Variants in GHR observed in about 807,000 individuals in gnomAD.
The protein encoded by GHR is GH receptor.
A neutral mutation model predicts 67.1 loss-of-function variants in GHR; 35 were observed. The ratio of observed to expected loss-of-function variants is 0.52; its 90% CI spans 0.40 to 0.69. GHR has a LOEUF of 0.69. Ranked by LOEUF, GHR falls within the 30% of genes least tolerant of loss-of-function variation. The pLI is 0.00. For missense variants in GHR, 792 were observed against 764.6 expected (o/e 1.04, Z -0.42); for synonymous variants, 272 against 269.1 (o/e 1.01, Z -0.10).
intron 1 of GHR, among the ~76,000 whole-genome samples, chr5:42,444,133 C>T (rs1010951109): frequency 2.6e-4 from 40 of 152,246 alleles, no homozygotes; most frequent in African/African-American, 8.4e-4. Flanking sequence ...CAAAAATACT[C>T]AGTCCAATTC....
intron 3 of GHR, among the ~76,000 whole-genome samples, chr5:42,647,462 T>A (rs34343411): frequency 6.6e-6 from 1 of 151,446 alleles, no homozygotes; most frequent in Non-Finnish European, 1.5e-5. Context: ...TAGTCCCAGC[T>A]ACTCTGGAGG....
intron 2 of GHR, among the ~76,000 whole-genome samples, chr5:42,579,136 TAGATGATAG>T (rs1750982420): frequency 1.9e-4 from 13 of 67,762 alleles, no homozygotes; most frequent in South Asian, 3.7e-4. Context: ...GATAGATAGA[TAGATGATAG>T]ATAGATATAG....
At chr5:42,708,507 A>C (rs1182035847) in intron 6 of GHR, among the ~76,000 whole-genome samples, 1 of 152,204 alleles carries the variant, frequency 6.6e-6, no homozygotes, top group East Asian at 1.9e-4. Context: ...TAAGGATTTT[A>C]AAATTTTTTC....
intron 1 of GHR, among the ~76,000 whole-genome samples, chr5:42,534,512 ATATG>A (rs1325021663): frequency 1.3e-4 from 19 of 142,878 alleles, no homozygotes; most frequent in African/African-American, 5.2e-4. Flanking sequence ...GTACATATGT[ATATG>A]TGTATATATG....
At chr5:42,434,609 T>C (rs979600406) in intron 1 of GHR, among the ~76,000 whole-genome samples, 1 of 152,184 alleles carries the variant, frequency 6.6e-6, no homozygotes, top group Non-Finnish European at 1.5e-5. Context: ...CAAGAGCTCT[T>C]GTTGCAGCAC....
chr5:42,438,019 CT>C (rs1743406975), intron 1 of GHR, among the ~76,000 whole-genome samples: 1 of 152,104 alleles, frequency 6.6e-6, no homozygotes, highest in African/African-American at 2.4e-5. Flanking sequence ...TAAATTCAGG[CT>C]CACTTTAGTA....
chr5:42,430,869 T>TGCTATAAGAA (rs1743064226), intron 1 of GHR, among the ~76,000 whole-genome samples: 1 of 152,170 alleles, frequency 6.6e-6, no homozygotes, highest in Non-Finnish European at 1.5e-5. Context: ...ACCAAAGGTT[T>TGCTATAAGAA]ACTTTGCTAT....
intron 3 of GHR, among the ~76,000 whole-genome samples, chr5:42,638,502 A>G (rs1754312113): frequency 6.6e-6 from 1 of 152,186 alleles, no homozygotes; most frequent in Admixed American, 6.5e-5. Flanking sequence ...ACCAGCCTTT[A>G]TGATATAGTC....
At chr5:42,550,727 G>T (rs1748983140) in intron 1 of GHR, among the ~76,000 whole-genome samples, 2 of 152,136 alleles carry the variant, frequency 1.3e-5, no homozygotes, top group Admixed American at 1.3e-4. Context: ...AGCCACCGAT[G>T]GGGGAAGCTG....
intron 3 of GHR, among the ~76,000 whole-genome samples, chr5:42,651,651 AAC>A (rs1340890678): frequency 2.6e-4 from 40 of 152,314 alleles, no homozygotes; most frequent in Admixed American, 2.3e-3. Context: ...CTGTTTCTTT[AAC>A]AGTTTTCCAA....
chr5:42,552,051 C>G (rs1460521060), intron 1 of GHR, among the ~76,000 whole-genome samples: 1 of 152,204 alleles, frequency 6.6e-6, no homozygotes, highest in Non-Finnish European at 1.5e-5. Context: ...GACAGTCTCT[C>G]TGAATCAATA....
Position 42,647,925 on chromosome 5 carries a change from C to T in GHR, c.136+18822C>T, listed in dbSNP as rs371089099. On this transcript the variant is annotated intron_variant, in intron 3 of 9. Coordinates refer to ENST00000230882, the MANE Select transcript of GHR (RefSeq NM_000163.5). Reference sequence around the variant, plus strand: ...AATTAAGTAAGACAGCATTCTATATCATGACTGAGGTGTTAATGACATTAT... The same window carrying T: ...AATTAAGTAAGACAGCATTCTATATTATGACTGAGGTGTTAATGACATTAT... The T allele has an allele frequency of 6.6e-5, 12 of 181,654 alleles. No individual in the cohort carries two copies. The East Asian group carries it at 1.5e-3, about 23-fold the overall frequency. 11.3% of individuals were successfully genotyped at this position (181,654 alleles called of 1,614,324 possible). A position where few individuals can be genotyped will look rare whatever the true frequency, so the allele number is the denominator to read the frequency against.
At chr5:42,548,987 G>A (rs1050157526) in intron 1 of GHR, among the ~76,000 whole-genome samples, 1 of 152,192 alleles carries the variant, frequency 6.6e-6, no homozygotes, top group Non-Finnish European at 1.5e-5. Flanking sequence ...TGTTCCATGT[G>A]TTACATTTCA....
Position 42,424,559 on chromosome 5 carries a change from G to A in GHR, c.-12+604G>A, listed in dbSNP as rs896524928. The A allele has an allele frequency of 1.6e-5, 24 of 1,533,096 alleles. No homozygotes were observed. The highest frequency in any genetic ancestry group is 2.7e-5 in the African/African-American group (2 of 72,978). 95.0% of individuals were successfully genotyped at this position (1,533,096 alleles called of 1,614,324 possible). A position where few individuals can be genotyped will look rare whatever the true frequency, so the allele number is the denominator to read the frequency against. On this transcript the variant is annotated intron_variant, in intron 1 of 9. Coordinates refer to ENST00000230882, the MANE Select transcript of GHR (RefSeq NM_000163.5). This position sits in a 1 kb window ranked among gnomAD's most constrained non-coding sequence, Gnocchi z 4.1. ...CCGCACGTTGGCACCGATGGAACTGGGGTCAGTAGAGTGACAGCCACCAGT... is the reference window on the plus strand; with the variant it reads ...CCGCACGTTGGCACCGATGGAACTGAGGTCAGTAGAGTGACAGCCACCAGT...
intron 2 of GHR, among the ~76,000 whole-genome samples, chr5:42,576,850 G>A (rs1750775132): frequency 6.6e-6 from 1 of 152,196 alleles, no homozygotes; most frequent in African/African-American, 2.4e-5. Flanking sequence ...TCTTTGGTGA[G>A]TTGATTCTGA....
intron 3 of GHR, among the ~76,000 whole-genome samples, chr5:42,644,092 T>A (rs890081872): frequency 1.3e-4 from 20 of 152,272 alleles, no homozygotes; most frequent in Admixed American, 5.2e-4. Flanking sequence ...ATAATAGATT[T>A]AAGCAAGATG....
chr5:42,713,599 T>C (rs1758579153), intron 8 of GHR, 80 bp downstream of exon 8: 1 of 778,320 alleles, frequency 1.3e-6, no homozygotes, highest in Non-Finnish European at 2.3e-6. Context: ...TTATTTGATA[T>C]TTTCTTTGTC....
chr5:42,614,559 A>ATTTTTTTTTTTTTT lies in GHR; in HGVS notation c.71-14460_71-14447dup, dbSNP rs553365880. On this transcript the variant is annotated intron_variant, in intron 2 of 9. Transcript: ENST00000230882. ...GCAAGCTTTATAGGCCATAGAGGAC[A>ATTTTTTTTTTTTTT]TTTTTTTTTTTTTTTTTTTTTTTTT... Among the ~76,000 whole-genome samples, 33 of 65,410 alleles carry ATTTTTTTTTTTTTT rather than the reference A, an allele frequency of 5.0e-4. 2 individuals are homozygous for ATTTTTTTTTTTTTT. The highest frequency in any genetic ancestry group is 1.5e-3 in the African/African-American group (23 of 15,842). 42.9% of individuals were successfully genotyped at this position (65,410 alleles called of 152,430 possible).
intron 3 of GHR, among the ~76,000 whole-genome samples, chr5:42,685,082 A>T (rs1158045892): frequency 6.6e-6 from 1 of 151,962 alleles, no homozygotes; most frequent in Non-Finnish European, 1.5e-5. Context: ...TCCTAATGTT[A>T]TCCCTCCCCC....
Sources: gnomAD v4.1 joint callset for allele counts (sites outside exome capture counted in the v4.1 genomes callset) on GRCh38, gnomAD v4.1.1 for gene constraint, Gnocchi (gnomAD v3.1) non-coding constraint, MANE v1.5 for transcripts, NCBI Gene and HGNC (gene_info 2026-07-23, HGNC 2026-07-21) for gene names.